CDH12: variants seen among roughly 807,000 people sequenced by gnomAD.
CDH12 encodes cadherin-12.
Under a neutral mutation model 74.1 loss-of-function variants are expected in CDH12, and 41 were observed. The observed-to-expected ratio is 0.55, with a 90% confidence interval of 0.43 to 0.72. CDH12 has a LOEUF of 0.72. Ranked by LOEUF, CDH12 falls within the 30% of genes least tolerant of loss-of-function variation. CDH12 has a pLI of 0.00. For synonymous variants in CDH12, 399 were observed against 355.0 expected (o/e 1.12, Z -1.39); for missense variants, 945 against 977.2 (o/e 0.97, Z 0.44).
chr5:22,442,584 T>C (rs1159525769), intron 2 of CDH12, among the ~76,000 whole-genome samples: 3 of 152,214 alleles, frequency 2.0e-5, no homozygotes, highest in African/African-American at 7.2e-5. Context: ...TGTCACATTG[T>C]GACACTAGCT....
At chr5:22,241,233 ACACTTTTTTTCC>A (rs1441333453) in intron 3 of CDH12, among the ~76,000 whole-genome samples, 1 of 152,054 alleles carries the variant, frequency 6.6e-6, no homozygotes, top group African/African-American at 2.4e-5. Flanking sequence ...ACATATAAAT[ACACTTTTTTTCC>A]CACAAAGGCC....
At chr5:22,549,643 T>C (rs945655993) in intron 1 of CDH12, among the ~76,000 whole-genome samples, 1 of 152,182 alleles carries the variant, frequency 6.6e-6, no homozygotes, top group Non-Finnish European at 1.5e-5. Flanking sequence ...TGCTATGTAG[T>C]TCAAAACGAC....
At chr5:21,783,299 AAG>A in intron 11 of CDH12, 57 bp downstream of exon 11, 3 of 1,475,900 alleles carry the variant, frequency 2.0e-6, no homozygotes, top group Non-Finnish European at 2.8e-6. Context: ...GGACTCATTT[AAG>A]AGTCTTAAAT....
At chr5:22,651,156 C>T (rs1490540722) in intron 1 of CDH12, among the ~76,000 whole-genome samples, 4 of 152,014 alleles carry the variant, frequency 2.6e-5, no homozygotes, top group African/African-American at 9.7e-5. Context: ...GCCTGTTTGA[C>T]CTTAACTTAA....
chr5:21,786,413 A>G (rs1746202569), intron 10 of CDH12, among the ~76,000 whole-genome samples: 1 of 152,086 alleles, frequency 6.6e-6, no homozygotes, highest in African/African-American at 2.4e-5. Flanking sequence ...GTACCTCCCA[A>G]AGTGCTGAGA....
chr5:22,302,883 G>A (rs1184024588), intron 3 of CDH12, among the ~76,000 whole-genome samples: 1 of 152,112 alleles, frequency 6.6e-6, no homozygotes, highest in Non-Finnish European at 1.5e-5. Flanking sequence ...TGATTTCTGA[G>A]TTAAGAGACT....
At chr5:22,322,865 T>G (rs1481137267) in intron 3 of CDH12, among the ~76,000 whole-genome samples, 2 of 152,184 alleles carry the variant, frequency 1.3e-5, no homozygotes, top group Non-Finnish European at 2.9e-5. Flanking sequence ...CAGCCTGAAT[T>G]AATATTTTAC....
At chr5:22,436,480 GA>G (rs961036394) in intron 2 of CDH12, among the ~76,000 whole-genome samples, 9 of 149,394 alleles carry the variant, frequency 6.0e-5, no homozygotes, top group East Asian at 3.9e-4. Flanking sequence ...GAATAAAGTG[GA>G]AAAAAAAACT....
intron 1 of CDH12, among the ~76,000 whole-genome samples, chr5:22,700,609 T>G (rs1742666153): frequency 6.6e-6 from 1 of 152,236 alleles, no homozygotes; most frequent in South Asian, 2.1e-4. Context: ...CTATTCCTTT[T>G]GAGTATTGTT....
At chr5:22,049,165 T>C (rs997803471) in intron 5 of CDH12, among the ~76,000 whole-genome samples, 5 of 152,144 alleles carry the variant, frequency 3.3e-5, no homozygotes, top group Admixed American at 6.5e-5. Context: ...CTGGTATTGA[T>C]ACATACATAT....
At chr5:22,683,022 A>AT (rs145474394) in intron 1 of CDH12, among the ~76,000 whole-genome samples, 3 of 152,060 alleles carry the variant, frequency 2.0e-5, no homozygotes, top group Admixed American at 2.0e-4. Flanking sequence ...ACTGTAATGA[A>AT]TTTTTTATTA....
At chr5:21,819,196 C>G (rs912047063) in intron 8 of CDH12, among the ~76,000 whole-genome samples, 3 of 151,924 alleles carry the variant, frequency 2.0e-5, no homozygotes, top group African/African-American at 7.2e-5. Flanking sequence ...GCTTTTGGAA[C>G]TACTTTCTTT....
intron 6 of CDH12, among the ~76,000 whole-genome samples, chr5:21,919,719 A>T (rs1227854643): frequency 2.6e-5 from 4 of 152,198 alleles, no homozygotes; most frequent in African/African-American, 7.2e-5. Context: ...AAAGTCAACA[A>T]TATCTGTGAA....
intron 6 of CDH12, among the ~76,000 whole-genome samples, chr5:21,899,016 G>A (rs934798345): frequency 2.0e-5 from 3 of 152,008 alleles, no homozygotes; most frequent in South Asian, 2.1e-4. Context: ...TTTTCACCTC[G>A]CCAATATGGT....
chr5:22,254,064 C>A (rs886441134), intron 3 of CDH12, among the ~76,000 whole-genome samples: 6 of 151,838 alleles, frequency 4.0e-5, no homozygotes, highest in African/African-American at 1.2e-4. Context: ...AGTTTGAGTT[C>A]TCTTTTCAAG....
chr5:22,328,030 T>C (rs1046331793), intron 3 of CDH12, among the ~76,000 whole-genome samples: 6 of 152,162 alleles, frequency 3.9e-5, no homozygotes, highest in African/African-American at 1.4e-4. Context: ...TCACAGTGGC[T>C]TAATTAATAT....
chr5:22,446,690 A>G (rs920496263), intron 2 of CDH12, among the ~76,000 whole-genome samples: 5 of 152,088 alleles, frequency 3.3e-5, no homozygotes, highest in Admixed American at 3.3e-4. Context: ...CTTACTGAAT[A>G]TTGCTATAAT....
intron 3 of CDH12, among the ~76,000 whole-genome samples, chr5:22,340,358 C>T (rs928557544): frequency 1.2e-4 from 18 of 152,000 alleles, no homozygotes; most frequent in African/African-American, 4.1e-4. Context: ...AACCCCATCT[C>T]TACTAAAAAT....
chr5:21,797,184 GTGATGATGATGA>G (rs60534561), intron 10 of CDH12, among the ~76,000 whole-genome samples: 6 of 151,322 alleles, frequency 4.0e-5, no homozygotes, highest in Non-Finnish European at 7.4e-5. Flanking sequence ...GCTGTGCTTA[GTGATGATGATGA>G]TGATGATGAT....
Sources: gnomAD v4.1 joint callset for allele counts (sites outside exome capture counted in the v4.1 genomes callset) on GRCh38, gnomAD v4.1.1 for gene constraint, MANE v1.5 for transcripts, NCBI Gene and HGNC (gene_info 2026-07-23, HGNC 2026-07-21) for gene names.